CAPN11: variants seen among roughly 807,000 people sequenced by gnomAD.
The protein encoded by CAPN11 is calpain 11.
A neutral mutation model predicts 105.3 loss-of-function variants in CAPN11; 108 were observed. That is an observed-to-expected ratio of 1.03 (90% CI 0.88 to 1.20). CAPN11 has a LOEUF of 1.20. Among genes scored for constraint, CAPN11 ranks in the 50% most tolerant of loss-of-function variants. The pLI is 0.00. For missense variants in CAPN11, 883 were observed against 924.8 expected (o/e 0.95, Z 0.59); for synonymous variants, 329 against 344.5 (o/e 0.96, Z 0.50).
Position 44,173,390 on chromosome 6 carries a change from A to T in CAPN11, c.831+4A>T, listed in dbSNP as rs553982188. 54 of 1,595,048 alleles carry T rather than the reference A, an allele frequency of 3.4e-5. No individual in the cohort carries two copies. The South Asian group carries it at 5.6e-4, about 16-fold the overall frequency. ...CCTCATGGGTTGCTCCATTGAAGTAAGCAAAGCATGGTCCCACCTCAGGGC... is the reference window on the plus strand; with the variant it reads ...CCTCATGGGTTGCTCCATTGAAGTATGCAAAGCATGGTCCCACCTCAGGGC... On this transcript the variant is annotated splice_donor_region_variant and intron_variant, in intron 7 of 22. Transcript: ENST00000398776.
At chr6:44,176,466 C>T in intron 9 of CAPN11, 115 bp from the exon 10 acceptor site, 1 of 1,279,318 alleles carries the variant, frequency 7.8e-7, no homozygotes, top group Non-Finnish European at 1.1e-6. Flanking sequence ...CTAGATTCTC[C>T]ATCTAGCTCC....
intron 5 of CAPN11, among the ~76,000 whole-genome samples, 176 bp from the exon 6 acceptor site, chr6:44,172,764 G>A (rs1221838010): frequency 2.0e-5 from 3 of 152,208 alleles, no homozygotes; most frequent in East Asian, 3.8e-4. Flanking sequence ...TCTGGAGACC[G>A]TGGCAGAAGC....
Position 44,172,961 on chromosome 6 carries a change from G to T in CAPN11, c.550G>T (p.Val184Leu), listed in dbSNP as rs751213228. The T allele has an allele frequency of 6.2e-7, 1 of 1,613,376 alleles. No homozygotes were observed. The highest frequency in any genetic ancestry group is 8.5e-7 in the Non-Finnish European group (1 of 1,179,644). The change falls in exon 6 of 23, where the codon GTG becomes TTG. Residue 184 changes from valine to leucine, a missense_variant. Transcript: ENST00000398776. ...ACAGATTTGGCAGTTTGGACAGTGG[G>T]TGAACGTGGTGGTAGATGACCGGCT... Reference protein sequence around the residue: ...HFQIWQFGQWVNVVVDDRLPT... With the variant: ...HFQIWQFGQWLNVVVDDRLPT...
intron 12 of CAPN11, 191 bp downstream of exon 12, chr6:44,177,611 C>T (rs1772339013): frequency 1.7e-6 from 1 of 589,202 alleles, no homozygotes; most frequent in Non-Finnish European, 3.0e-6. Flanking sequence ...CCTCAGCCTT[C>T]CCAGTAGCTG....
rs747842879 is a variant in CAPN11 at position 44,180,623 on chromosome 6, C to A, written c.1707C>A (p.Asp569Glu). The A allele has an allele frequency of 6.2e-7, 1 of 1,613,612 alleles. No individual in the cohort carries two copies. The highest frequency in any genetic ancestry group is 2.2e-5 in the East Asian group (1 of 44,856). The change falls in exon 16 of 23, where the codon GAC (aspartate) becomes GAA (glutamate). Residue 569 changes from aspartate (D) to glutamate (E), a missense_variant. By Grantham distance (45) the Asp-to-Glu change is conservative (BLOSUM62 2). Coordinates refer to ENST00000398776, the MANE Select transcript of CAPN11 (RefSeq NM_007058.4). ...QEEKVSEDDM[D>E]QDFLHLFKIV... ...AAAAGGTCTCTGAGGATGACATGGA[C>A]CAGGACTTCCTACATTTGTTTAAGA...
intron 2 of CAPN11, chr6:44,168,827 G>A (rs36079986): frequency 0.11 from 35,763 of 336,406 alleles, 2,056 homozygotes; most frequent in Middle Eastern, 0.16. Flanking sequence ...CGCCATGTTG[G>A]GCAGGCTGGT....
intron 1 of CAPN11, among the ~76,000 whole-genome samples, chr6:44,159,403 G>A (rs1401560157): frequency 6.6e-6 from 1 of 152,120 alleles, no homozygotes; most frequent in East Asian, 1.9e-4. Context: ...CTGGGGGGAA[G>A]GGGAGGGCTG....
At chr6:44,179,512 C>A in intron 12 of CAPN11, 107 bp from the exon 13 acceptor site, 1 of 1,016,816 alleles carries the variant, frequency 9.8e-7, no homozygotes, top group East Asian at 2.4e-5. Context: ...ACCCCTCCAA[C>A]AACACACACA....
chr6:44,165,740 T>C (rs1769708665), intron 1 of CAPN11, among the ~76,000 whole-genome samples: 1 of 151,932 alleles, frequency 6.6e-6, no homozygotes, highest in African/African-American at 2.4e-5. Flanking sequence ...AAGGGATGGG[T>C]CTGTACTGGG....
At chr6:44,174,682 C>T (rs1469611732) in intron 7 of CAPN11, among the ~76,000 whole-genome samples, 4 of 138,360 alleles carry the variant, frequency 2.9e-5, no homozygotes, top group Non-Finnish European at 6.0e-5. Context: ...TGCAGTGATG[C>T]GATCTCGTTT....
intron 11 of CAPN11, 46 bp from the exon 12 acceptor site, chr6:44,177,196 C>T: frequency 6.5e-7 from 1 of 1,537,968 alleles, no homozygotes; most frequent in Non-Finnish European, 8.8e-7. Context: ...AAGGGCGTGG[C>T]CAAGGGAAGC....
chr6:44,173,468 C>G, intron 7 of CAPN11, 82 bp downstream of exon 7: 1 of 831,224 alleles, frequency 1.2e-6, no homozygotes, highest in Non-Finnish European at 1.9e-6. Flanking sequence ...AGTATCTGCA[C>G]GGCCAGCACC....
At chr6:44,176,215 C>CGGAGGAGAA in intron 8 of CAPN11, 38 bp from the exon 9 acceptor site, 8 of 1,607,472 alleles carry the variant, frequency 5.0e-6, no homozygotes, top group Non-Finnish European at 6.0e-6. Flanking sequence ...TCTCCCTGAC[C>CGGAGGAGAA]CCATAACTCT....
At chr6:44,164,150 G>C (rs1561838208) in intron 1 of CAPN11, among the ~76,000 whole-genome samples, 2 of 152,118 alleles carry the variant, frequency 1.3e-5, no homozygotes, top group African/African-American at 4.8e-5. Flanking sequence ...GCAGCCTGGG[G>C]AACAGGGTGA....
At chr6:44,164,947 T>C (rs2128293244) in intron 1 of CAPN11, among the ~76,000 whole-genome samples, 1 of 152,252 alleles carries the variant, frequency 6.6e-6, no homozygotes, top group East Asian at 1.9e-4. Flanking sequence ...TGGGGTGCAG[T>C]GGTGCTCTCT....
rs1254886277 is a variant in CAPN11, at chr6:44,180,150, C to G, written c.1627C>G (p.His543Asp). Reference sequence around the variant, plus strand: ...CCTGCTTCGGGTCTTCACCGAGAAGCACAGCGAGTCATGGTAAGGGGCTGC... The same window carrying G: ...CCTGCTTCGGGTCTTCACCGAGAAGGACAGCGAGTCATGGTAAGGGGCTGC... ...DFLLRVFTEKHSESWELDEVN... is the reference protein window; with the variant it reads ...DFLLRVFTEKDSESWELDEVN... The change falls in exon 14 of 23, where the codon CAC becomes GAC. Residue 543 changes from histidine to aspartate, a missense_variant. His to Asp is a moderately conservative substitution (Grantham distance 81, BLOSUM62 -1). Transcript: ENST00000398776. The G allele has an allele frequency of 1.1e-5, 18 of 1,610,636 alleles. No individual in the cohort carries two copies. Among genetic ancestry groups the G allele is most frequent in the Non-Finnish European group, 1.5e-5 (18 of 1,178,190 alleles).
At chr6:44,164,917 T>G (rs1177353414) in intron 1 of CAPN11, among the ~76,000 whole-genome samples, 1 of 152,134 alleles carries the variant, frequency 6.6e-6, no homozygotes, top group African/African-American at 2.4e-5. Context: ...AGACACAGTC[T>G]TACTCTCTGC....
chr6:44,177,453 C>G (rs1274652823), intron 12 of CAPN11, 33 bp downstream of exon 12: 1 of 1,582,466 alleles, frequency 6.3e-7, no homozygotes, highest in African/African-American at 1.3e-5. Flanking sequence ...CCGCCACTCA[C>G]TCTCCCTCAC....
At chr6:44,160,434 G>A (rs779618989) in intron 1 of CAPN11, among the ~76,000 whole-genome samples, 21 of 151,818 alleles carry the variant, frequency 1.4e-4, no homozygotes, top group Admixed American at 5.3e-4. Context: ...TGGCTAACGC[G>A]GTGAAACCCT....
Sources: allele counts gnomAD v4.1 joint callset (sites outside exome capture counted in the v4.1 genomes callset), GRCh38; gene constraint gnomAD v4.1.1; transcripts MANE v1.5; gene names NCBI Gene and HGNC (gene_info 2026-07-23, HGNC 2026-07-21).